Variants in FAR2 observed in about 807,000 individuals in gnomAD.
FAR2 encodes fatty acyl-CoA reductase 2, also known as epididymis secretory protein Li 81.
FAR2 carries 19 observed loss-of-function variants against 56.0 expected under a neutral mutation model. That is an observed-to-expected ratio of 0.34 (90% confidence interval 0.24 to 0.50). The LOEUF (loss-of-function observed/expected upper bound fraction) is 0.50. FAR2 is among the 20% of genes least tolerant of loss of function. The pLI, the probability that FAR2 is intolerant of heterozygous loss-of-function variation, is 0.98. For missense variants in FAR2, 508 were observed against 642.2 expected (o/e 0.79, Z 2.26); for synonymous variants, 219 against 218.8 (o/e 1.00, Z -0.01).
intron 1 of FAR2, among the ~76,000 whole-genome samples, chr12:29,206,900 C>T (rs1464772425): frequency 6.6e-6 from 1 of 151,998 alleles, no homozygotes; most frequent in Non-Finnish European, 1.5e-5. Context: ...TAAGGGCCAT[C>T]TGGAAAGATT....
intron 1 of FAR2, among the ~76,000 whole-genome samples, chr12:29,159,307 G>A (rs1276787154): frequency 6.6e-6 from 1 of 152,144 alleles, no homozygotes; most frequent in African/African-American, 2.4e-5. Flanking sequence ...GGGAGGCCAA[G>A]GCGGGCGGAT....
chr12:29,328,917 A>C (rs935303016), intron 10 of FAR2, among the ~76,000 whole-genome samples: 26 of 152,182 alleles, frequency 1.7e-4, no homozygotes, highest in African/African-American at 5.8e-4. Flanking sequence ...AGAAAAAAAA[A>C]CAATATATCA....
intron 1 of FAR2, among the ~76,000 whole-genome samples, chr12:29,212,222 G>C: frequency 6.6e-6 from 1 of 151,962 alleles, no homozygotes; most frequent in East Asian, 1.9e-4. Context: ...TTAAAAATCT[G>C]GCTTCCACTT....
chr12:29,309,172 CTTCT>C lies in FAR2; in HGVS notation c.724-7_724-4del, dbSNP rs1949305181. ...TCTGAAATGTGTAACCAATAGAAAT[CTTCT>C]TTCTTTTAGGGTTGGGTTGATAATA... is the stretch of plus-strand genomic sequence containing the variant. On this transcript the variant is annotated splice_polypyrimidine_tract_variant and intron_variant, in intron 5 of 11. Transcript: ENST00000536681. The C allele has an allele frequency of 6.3e-7, 1 of 1,579,364 alleles. No homozygotes were observed. Among genetic ancestry groups the C allele is most frequent in the Non-Finnish European group, 8.7e-7 (1 of 1,151,458 alleles).
At chr12:29,154,076 A>G (rs184109825) in intron 1 of FAR2, among the ~76,000 whole-genome samples, 9 of 152,208 alleles carry the variant, frequency 5.9e-5, no homozygotes, top group Non-Finnish European at 1.2e-4. Flanking sequence ...CTTGCATTTT[A>G]TAATTTTTTA....
At chr12:29,325,420 T>C (rs976430948) in intron 10 of FAR2, among the ~76,000 whole-genome samples, 1 of 151,918 alleles carries the variant, frequency 6.6e-6, no homozygotes, top group African/African-American at 2.4e-5. Context: ...TCTACAGAAC[T>C]CTCCACCCCA....
chr12:29,250,704 C>T (rs1446470610), intron 1 of FAR2, among the ~76,000 whole-genome samples: 2 of 152,148 alleles, frequency 1.3e-5, no homozygotes, highest in Non-Finnish European at 2.9e-5. Context: ...GCTGCCAAGC[C>T]ATCAAGCAAG....
At chr12:29,157,744 C>T (rs2136574567) in intron 1 of FAR2, among the ~76,000 whole-genome samples, 1 of 152,268 alleles carries the variant, frequency 6.6e-6, no homozygotes, top group South Asian at 2.1e-4. Context: ...GAGCAAAAAT[C>T]CCAGGTATCC....
Position 29,332,670 on chromosome 12 carries a change from A to G in FAR2, c.1328A>G (p.Lys443Arg). The G allele has an allele frequency of 6.2e-7, 1 of 1,613,816 alleles. No homozygotes were observed. The highest frequency in any genetic ancestry group is 8.5e-7 in the Non-Finnish European group (1 of 1,179,816). The part of the protein sequence containing the change: ...YIENYVLGVK[K>R]YLLKEDMAGI... Reference sequence around the variant, plus strand: ...GAAAATTATGTTTTGGGAGTTAAAAAATACTTATTGAAAGAGGATATGGCT... The same window carrying G: ...GAAAATTATGTTTTGGGAGTTAAAAGATACTTATTGAAAGAGGATATGGCT... Residue 443 changes from lysine (K) to arginine (R), a missense_variant, in exon 11 of 12, where the codon AAA becomes AGA. Coordinates refer to ENST00000536681, the MANE Select transcript of FAR2 (RefSeq NM_001271783.2).
At chr12:29,163,453 G>C (rs1949799062) in intron 1 of FAR2, among the ~76,000 whole-genome samples, 1 of 152,220 alleles carries the variant, frequency 6.6e-6, no homozygotes. Flanking sequence ...AACTGTAGTA[G>C]ACAGAGAAGA....
intron 2 of FAR2, among the ~76,000 whole-genome samples, chr12:29,275,948 G>T (rs936695703): frequency 1.3e-5 from 2 of 152,144 alleles, no homozygotes; most frequent in Non-Finnish European, 2.9e-5. Context: ...ATGAACAGTG[G>T]TTCTCAAAGT....
At chr12:29,156,196 A>G (rs1565675805) in intron 1 of FAR2, among the ~76,000 whole-genome samples, 1 of 152,240 alleles carries the variant, frequency 6.6e-6, no homozygotes, top group Non-Finnish European at 1.5e-5. Flanking sequence ...CGGAATGACT[A>G]TAGTCAATGA....
intron 1 of FAR2, among the ~76,000 whole-genome samples, chr12:29,162,324 T>C (rs1425426477): frequency 6.6e-6 from 1 of 152,232 alleles, no homozygotes; most frequent in Non-Finnish European, 1.5e-5. Flanking sequence ...CATTAATCAT[T>C]AGAATTCTGC....
At chr12:29,294,377 C>T (rs969485525) in intron 3 of FAR2, among the ~76,000 whole-genome samples, 3 of 148,962 alleles carry the variant, frequency 2.0e-5, no homozygotes, top group African/African-American at 7.5e-5. Flanking sequence ...GAGACAGTTT[C>T]GTTCTTGTTG....
At chr12:29,309,756 T>C (rs1397820898) in intron 6 of FAR2, 1 of 152,674 alleles carries the variant, frequency 6.5e-6, no homozygotes, top group Non-Finnish European at 1.5e-5. Context: ...CAACATCTTT[T>C]CAATAATATC....
At position 29,168,976 on chromosome 12, in the gene FAR2, T is replaced by C. The variant is rs1949859282; in HGVS notation, c.-39+19569T>C. On this transcript the variant is annotated intron_variant, in intron 1 of 11. Coordinates refer to ENST00000536681, the MANE Select transcript of FAR2 (RefSeq NM_001271783.2). ...GTCCATTTTACAGAGTGCTGATTGA[T>C]GTGTTTACAATCCTTTAGCTAGACA... is the stretch of plus-strand genomic sequence containing the variant. 3.3e-5 allele frequency among the ~76,000 whole-genome samples: 5 copies of C among 152,206 alleles called. No homozygotes were observed. The South Asian group carries it at 1.0e-3, about 32-fold the overall frequency.
At chr12:29,300,401 T>C (rs1387807162) in intron 4 of FAR2, among the ~76,000 whole-genome samples, 1 of 152,208 alleles carries the variant, frequency 6.6e-6, no homozygotes, top group Non-Finnish European at 1.5e-5. Context: ...AGATGGAATT[T>C]TTGGAAGTTT....
chr12:29,236,285 T>C (rs1947939797), intron 1 of FAR2, among the ~76,000 whole-genome samples: 1 of 152,188 alleles, frequency 6.6e-6, no homozygotes, highest in Admixed American at 6.5e-5. Flanking sequence ...TACTAAACTT[T>C]AATATTCGGC....
chr12:29,325,003 C>A (rs1359058427), intron 10 of FAR2, among the ~76,000 whole-genome samples: 1 of 151,950 alleles, frequency 6.6e-6, no homozygotes, highest in Non-Finnish European at 1.5e-5. Flanking sequence ...TTCAGGAAAC[C>A]CATCTCATGT....
Sources: allele counts gnomAD v4.1 joint callset (sites outside exome capture counted in the v4.1 genomes callset), GRCh38; gene constraint gnomAD v4.1.1; transcripts MANE v1.5; gene names NCBI Gene and HGNC (gene_info 2026-07-23, HGNC 2026-07-21).